Variants in PCDHA11 observed in about 807,000 individuals in gnomAD.
The protein encoded by PCDHA11 is protocadherin alpha-11.
A neutral mutation model predicts 70.3 loss-of-function variants in PCDHA11; 61 were observed. That is an observed-to-expected ratio of 0.87 (90% CI 0.71 to 1.07). The LOEUF (loss-of-function observed/expected upper bound fraction) is 1.07. Among genes scored for constraint, PCDHA11 ranks in the 50% least tolerant of loss-of-function variants. The probability of loss-of-function intolerance (pLI) is 0.00; values close to 1 mark genes in which losing one functional copy is unlikely to be tolerated. For missense variants in PCDHA11, 1,324 were observed against 1,237.5 expected, an observed-to-expected ratio of 1.07 and a Z score of -1.05; for synonymous variants, 633 against 555.1, an observed-to-expected ratio of 1.14 and a Z score of -1.97.
intron 3 of PCDHA11, among the ~76,000 whole-genome samples, chr5:140,993,075 G>A (rs531612224): frequency 1.3e-3 from 191 of 152,324 alleles, no homozygotes; most frequent in African/African-American, 4.5e-3. Flanking sequence ...CCTGCAGTCT[G>A]CAATCAGCAG....
In PCDHA11 at chr5:141,011,632, C is replaced by T. The variant is rs1333162247; in HGVS notation, c.*1695C>T. Reference sequence around the variant, plus strand: ...TTTATGGTCCAGCCAAGAGCCATCTCGTGCCAAGACTTCTGCTGGCAAGGG... The same window carrying T: ...TTTATGGTCCAGCCAAGAGCCATCTTGTGCCAAGACTTCTGCTGGCAAGGG... On this transcript the variant is annotated 3_prime_UTR_variant, in exon 4 of 4. Transcript: ENST00000398640. The T allele has an allele frequency of 1.3e-5, 2 of 153,656 alleles. No homozygotes were observed. The highest frequency in any genetic ancestry group is 4.8e-5 in the African/African-American group (2 of 41,412). 9.5% of individuals were successfully genotyped at this position (153,656 alleles called of 1,614,324 possible).
intron 1 of PCDHA11, among the ~76,000 whole-genome samples, chr5:140,901,937 A>G (rs2068997026): frequency 6.7e-6 from 1 of 148,692 alleles, no homozygotes; most frequent in South Asian, 2.1e-4. Context: ...ATTCCTAGGT[A>G]TATTTAGTTT....
rs149265547 is a variant in PCDHA11 at position 140,927,771 on chromosome 5, G to T, written c.2392-51178G>T. On this transcript the variant is annotated intron_variant, in intron 1 of 3. Coordinates refer to ENST00000398640, the MANE Select transcript of PCDHA11 (RefSeq NM_018902.5). Reference sequence around the variant, plus strand: ...ACGTGCACCCTAAAAGTGGGGAGGTGCAAGTAGCTGCTTCACTAGGTCCGC... The same window carrying T: ...ACGTGCACCCTAAAAGTGGGGAGGTTCAAGTAGCTGCTTCACTAGGTCCGC... The T allele has an allele frequency of 4.2e-4, 677 of 1,614,210 alleles. 4 individuals carry two copies. In the African/African-American group the frequency reaches 7.5e-3, roughly 18 times the overall value.
At chr5:140,875,292 T>C in intron 1 of PCDHA11, 1 of 1,401,900 alleles carries the variant, frequency 7.1e-7, no homozygotes, top group Non-Finnish European at 9.3e-7. Context: ...ACAGGAAAAT[T>C]TTTTTCTCCG....
intron 1 of PCDHA11, among the ~76,000 whole-genome samples, chr5:140,964,622 T>A (rs1435749865): frequency 6.6e-6 from 1 of 152,048 alleles, no homozygotes; most frequent in African/African-American, 2.4e-5. Flanking sequence ...ATTCCACTTA[T>A]AAGCCATTTA....
intron 1 of PCDHA11, among the ~76,000 whole-genome samples, chr5:140,951,775 A>G (rs1554220072): frequency 1.3e-5 from 2 of 152,164 alleles, no homozygotes; most frequent in African/African-American, 4.8e-5. Context: ...ACGTTCTTAC[A>G]TTGCAAAATA....
intron 1 of PCDHA11, among the ~76,000 whole-genome samples, chr5:140,899,424 T>A (rs1437811361): frequency 6.6e-6 from 1 of 152,206 alleles, no homozygotes; most frequent in African/African-American, 2.4e-5. Flanking sequence ...TTGTCAAAGG[T>A]CTTTTCTGCA....
intron 1 of PCDHA11, chr5:140,929,073 T>C (rs782591499): frequency 1.9e-6 from 3 of 1,614,200 alleles, no homozygotes; most frequent in Non-Finnish European, 2.5e-6. Flanking sequence ...ATCTGAGGTA[T>C]GGAAGTAAGA....
At chr5:140,949,009 G>A (rs1563235030) in intron 1 of PCDHA11, among the ~76,000 whole-genome samples, 1 of 151,574 alleles carries the variant, frequency 6.6e-6, no homozygotes, top group Non-Finnish European at 1.5e-5. Context: ...ATTTTTATAT[G>A]TGATGTTTTT....
intron 1 of PCDHA11, among the ~76,000 whole-genome samples, chr5:140,917,223 C>T (rs1351907671): frequency 2.0e-5 from 3 of 150,934 alleles, no homozygotes; most frequent in African/African-American, 4.9e-5. Flanking sequence ...TTTAGTGATA[C>T]GTTGTTAAAT....
intron 1 of PCDHA11, among the ~76,000 whole-genome samples, chr5:140,956,723 A>G (rs536528599): frequency 6.6e-6 from 1 of 152,166 alleles, no homozygotes; most frequent in Non-Finnish European, 1.5e-5. Context: ...AAGAATTGGT[A>G]CCAGCTCCTC....
At chr5:141,000,361 G>GTC (rs148596731) in intron 3 of PCDHA11, among the ~76,000 whole-genome samples, 441 of 26,430 alleles carry the variant, frequency 0.017, 8 homozygotes, top group Non-Finnish European at 0.02. Flanking sequence ...GTCTCTCTCT[G>GTC]TCTCTCTCTC....
chr5:140,885,049 A>T (rs1001120267), intron 1 of PCDHA11, among the ~76,000 whole-genome samples: 56 of 152,352 alleles, frequency 3.7e-4, no homozygotes, highest in African/African-American at 1.2e-3. Context: ...TTTAATGTAT[A>T]CATATACCCA....
chr5:140,993,934 C>T (rs936977793), intron 3 of PCDHA11, among the ~76,000 whole-genome samples: 5 of 152,044 alleles, frequency 3.3e-5, no homozygotes, highest in African/African-American at 1.2e-4. Context: ...AGAACATATC[C>T]CCATTGTTAA....
chr5:141,009,923 A>T lies in PCDHA11; in HGVS notation c.2836A>T (p.Asn946Tyr), dbSNP rs1463725058. The change falls in exon 4 of 4, where the codon AAC becomes TAC. Residue 946 changes from asparagine (N) to tyrosine (Y), a missense_variant. By Grantham distance (143) the Asn-to-Tyr change is moderately radical. Coordinates refer to ENST00000398640, the MANE Select transcript of PCDHA11 (RefSeq NM_018902.5). ...KKEKGNSTTD[N>Y]SDQ ...AGAGAAAGGGAACAGCACGACTGAC[A>T]ACAGTGACCAGTGAGGTCCTCAAAT... 6.2e-7 allele frequency: 1 copy of T among 1,608,790 alleles called. No homozygotes were observed. The highest frequency in any genetic ancestry group is 8.5e-7 in the Non-Finnish European group (1 of 1,178,528).
At chr5:140,989,996 A>G (rs1554251207) in intron 3 of PCDHA11, among the ~76,000 whole-genome samples, 1 of 152,144 alleles carries the variant, frequency 6.6e-6, no homozygotes, top group Non-Finnish European at 1.5e-5. Context: ...GAAATTGTCT[A>G]TCTCCAAGGG....
intron 1 of PCDHA11, among the ~76,000 whole-genome samples, chr5:140,941,215 C>CTT (rs782548958): frequency 1.2e-4 from 13 of 104,510 alleles, no homozygotes; most frequent in African/African-American, 4.4e-4. Flanking sequence ...TTCTTTCTTC[C>CTT]TTTCTTTCTT....
At chr5:140,968,419 T>C (rs372766707) in intron 1 of PCDHA11, 37 of 1,613,898 alleles carry the variant, frequency 2.3e-5, no homozygotes, top group Non-Finnish European at 3.0e-5. Context: ...CTGTGGAGGC[T>C]CAGGACAAGG....
At chr5:140,963,220 G>A (rs2095749091) in intron 1 of PCDHA11, among the ~76,000 whole-genome samples, 2 of 152,122 alleles carry the variant, frequency 1.3e-5, no homozygotes, top group East Asian at 1.9e-4. Flanking sequence ...CGTGTTTAGA[G>A]TAGACACTGT....
Sources: allele counts gnomAD v4.1 joint callset (sites outside exome capture counted in the v4.1 genomes callset), GRCh38; gene constraint gnomAD v4.1.1; transcripts MANE v1.5; gene names NCBI Gene and HGNC (gene_info 2026-07-23, HGNC 2026-07-21).